The following ULK4 variants were observed in gnomAD, a reference collection of about 807,000 sequenced individuals.
ULK4 encodes unc-51 like kinase 4.
ULK4 carries 133 observed loss-of-function variants against 160.6 expected under a neutral mutation model. The ratio of observed to expected loss-of-function variants is 0.83; its 90% CI spans 0.72 to 0.96. The LOEUF (loss-of-function observed/expected upper bound fraction) is 0.96, where lower values mean the gene tolerates loss of function less well. Among genes scored for constraint, ULK4 ranks in the 40% least tolerant of loss-of-function variants. The pLI is 0.00. For synonymous variants in ULK4, 534 were observed against 539.8 expected, an observed-to-expected ratio of 0.99 and a Z score of 0.15; for missense variants, 1,580 against 1,499.5, an observed-to-expected ratio of 1.05 and a Z score of -0.89.
rs1157627765 is a variant in ULK4 at position 41,643,229 on chromosome 3, C to T, written c.3071+20378G>A. ...CATTTGTCAATTTTGGCTTTTGTTG[C>T]CATTGCTTTTGGTGTTTTAGACATG... On this transcript the variant is annotated intron_variant, in intron 30 of 36. Transcript: ENST00000301831. Among the ~76,000 whole-genome samples the T allele has an allele frequency of 3.3e-5, 5 of 152,052 alleles. No individual in the cohort carries two copies. In the South Asian group the frequency reaches 1.0e-3, roughly 32 times the overall value.
chr3:41,503,535 A>G (rs981842105), intron 32 of ULK4, among the ~76,000 whole-genome samples: 1 of 152,188 alleles, frequency 6.6e-6, no homozygotes, highest in Non-Finnish European at 1.5e-5. Flanking sequence ...CCTAAAGATG[A>G]CCTAGGAAAA....
At chr3:41,444,979 G>A (rs537640535) in intron 34 of ULK4, among the ~76,000 whole-genome samples, 80 of 152,252 alleles carry the variant, frequency 5.3e-4, no homozygotes, top group African/African-American at 1.9e-3. Flanking sequence ...AAACCCCATT[G>A]TCTCAGCCCA....
Position 41,705,081 on chromosome 3 carries a change from AAT to A in ULK4, c.2755_2756del (p.Ile919PhefsTer11). The A allele has an allele frequency of 6.2e-7, 1 of 1,612,766 alleles. No homozygotes were observed. The highest frequency in any genetic ancestry group is 8.5e-7 in the Non-Finnish European group (1 of 1,179,660). ...SAFEAIIQYPILLKDYRSTVV... is the reference protein window; with the variant it reads ...SAFEAIIQYPXLLKDYRSTVV... ...CCGTGGAGCGATAGTCTTTCAATAA[AAT>A]AGGATACTGTATTATTGCTTCAAAA... is the stretch of plus-strand genomic sequence containing the variant. On this transcript the variant is annotated frameshift_variant, in exon 27 of 37. Coordinates refer to ENST00000301831, the MANE Select transcript of ULK4 (RefSeq NM_017886.4). LOFTEE classifies it high-confidence loss of function.
At chr3:41,845,471 T>C (rs973734473) in intron 17 of ULK4, among the ~76,000 whole-genome samples, 1 of 151,890 alleles carries the variant, frequency 6.6e-6, no homozygotes. Flanking sequence ...ATTCTCAAAA[T>C]GACAAAAATA....
chr3:41,427,406 C>T (rs952846847), intron 34 of ULK4, among the ~76,000 whole-genome samples: 2 of 152,182 alleles, frequency 1.3e-5, no homozygotes, highest in East Asian at 1.9e-4. Context: ...GGGTCTTCTC[C>T]CTAACTCATT....
intron 34 of ULK4, among the ~76,000 whole-genome samples, chr3:41,423,782 G>A (rs1207969529): frequency 6.6e-6 from 1 of 152,184 alleles, no homozygotes; most frequent in Non-Finnish European, 1.5e-5. Context: ...ACAGGGCAAG[G>A]GAGCTCCCAC....
intron 21 of ULK4, among the ~76,000 whole-genome samples, chr3:41,755,514 T>C (rs1033659904): frequency 6.6e-6 from 1 of 152,166 alleles, no homozygotes; most frequent in African/African-American, 2.4e-5. Flanking sequence ...AGATCTGTTT[T>C]CTACCTTTCC....
At chr3:41,545,500 T>C (rs984406283) in intron 32 of ULK4, among the ~76,000 whole-genome samples, 15 of 152,212 alleles carry the variant, frequency 9.9e-5, no homozygotes, top group African/African-American at 3.4e-4. Flanking sequence ...TCAGCCACCA[T>C]TTGTATTATT....
chr3:41,418,506 T>G (rs1310020849), intron 34 of ULK4, among the ~76,000 whole-genome samples: 10 of 152,204 alleles, frequency 6.6e-5, no homozygotes, highest in African/African-American at 2.4e-4. Context: ...CTACTCTTTG[T>G]CCAGTTCAGT....
At chr3:41,798,110 C>T (rs1437660372) in intron 20 of ULK4, among the ~76,000 whole-genome samples, 2 of 151,914 alleles carry the variant, frequency 1.3e-5, no homozygotes, top group Non-Finnish European at 1.5e-5. Context: ...TAGAGTCAAA[C>T]TTGATGCATC....
At chr3:41,725,660 T>C (rs978672096) in intron 22 of ULK4, among the ~76,000 whole-genome samples, 1 of 152,230 alleles carries the variant, frequency 6.6e-6, no homozygotes, top group Non-Finnish European at 1.5e-5. Flanking sequence ...ATAACTCTAT[T>C]GTCTGTATTC....
chr3:41,702,813 G>C (rs930082302), intron 27 of ULK4, among the ~76,000 whole-genome samples: 4 of 150,940 alleles, frequency 2.7e-5, no homozygotes, highest in African/African-American at 9.7e-5. Flanking sequence ...TATAGAAAAA[G>C]CAGGCCAAAA....
chr3:41,948,136 T>C (rs1700168002), intron 2 of ULK4, among the ~76,000 whole-genome samples: 1 of 152,104 alleles, frequency 6.6e-6, no homozygotes, highest in Non-Finnish European at 1.5e-5. Flanking sequence ...CATTAGTGAC[T>C]GTGACGTAAG....
At position 41,343,462 on chromosome 3, in the gene ULK4, G is replaced by A. The variant is rs564571638; in HGVS notation, c.3678+54617C>T. 5.9e-5 allele frequency among the ~76,000 whole-genome samples: 9 copies of A among 151,908 alleles called. No individual in the cohort carries two copies. The East Asian group carries it at 1.7e-3, about 29-fold the overall frequency. ...TGGGATTATAGGCACACGCCACCAC[G>A]CCTGGCTAATTTTTGTATTTTTAGT... is the stretch of plus-strand genomic sequence containing the variant. On this transcript the variant is annotated intron_variant, in intron 35 of 36. Transcript: ENST00000301831.
chr3:41,263,396 C>T (rs2078979876), intron 35 of ULK4, among the ~76,000 whole-genome samples: 1 of 152,094 alleles, frequency 6.6e-6, no homozygotes, highest in African/African-American at 2.4e-5. Context: ...CTGTTTCCAG[C>T]CCCTTCTCTG....
chr3:41,612,292 A>C (rs1223289894), intron 31 of ULK4, among the ~76,000 whole-genome samples: 2 of 152,004 alleles, frequency 1.3e-5, no homozygotes, highest in Non-Finnish European at 2.9e-5. Flanking sequence ...CCTTCCCTCA[A>C]AATACCTCCT....
At chr3:41,736,351 C>G (rs2038049073) in intron 22 of ULK4, among the ~76,000 whole-genome samples, 1 of 151,830 alleles carries the variant, frequency 6.6e-6, no homozygotes, top group African/African-American at 2.4e-5. Flanking sequence ...TCTCCAGCAC[C>G]TGTTGTTCCC....
At chr3:41,756,197 A>G (rs116435638) in intron 21 of ULK4, among the ~76,000 whole-genome samples, 3,128 of 152,176 alleles carry the variant, frequency 0.021, 38 homozygotes, top group Non-Finnish European at 0.032. Flanking sequence ...CCCACGCCCA[A>G]TTAACCCCAA....
intron 31 of ULK4, among the ~76,000 whole-genome samples, chr3:41,604,423 T>C (rs1360279981): frequency 1.3e-5 from 2 of 152,050 alleles, no homozygotes; most frequent in Non-Finnish European, 2.9e-5. Flanking sequence ...AGTTCTGATA[T>C]AGATGAAAAA....
Sources: gnomAD v4.1 joint callset for allele counts (sites outside exome capture counted in the v4.1 genomes callset) on GRCh38, gnomAD v4.1.1 for gene constraint, MANE v1.5 for transcripts, NCBI Gene and HGNC (gene_info 2026-07-23, HGNC 2026-07-21) for gene names.